The following PINX1 variants were observed in gnomAD, a reference collection of about 807,000 sequenced individuals.
PINX1 encodes PIN2 (TERF1) interacting telomerase inhibitor 1, also known as PIN2/TERF1-interacting telomerase inhibitor 1.
In PINX1, 34 loss-of-function variants were observed where a neutral mutation model predicts 25.4. The ratio of observed to expected loss-of-function variants is 1.34; its 90% CI spans 1.02 to 1.78. The LOEUF (loss-of-function observed/expected upper bound fraction) is 1.78, where lower values mean the gene tolerates loss of function less well. Among genes scored for constraint, PINX1 ranks in the 40% most tolerant of loss-of-function variants. The pLI is 0.00. For missense variants in PINX1, 592 were observed against 404.9 expected, an observed-to-expected ratio of 1.46 and a Z score of -3.97; for synonymous variants, 197 against 147.7, an observed-to-expected ratio of 1.33 and a Z score of -2.42.
intron 6 of PINX1, among the ~76,000 whole-genome samples, chr8:10,790,750 G>C (rs1467520409): frequency 6.6e-6 from 1 of 152,096 alleles, no homozygotes; most frequent in Non-Finnish European, 1.5e-5. Flanking sequence ...TTCATTCTTA[G>C]TGCTTTATCT....
intron 6 of PINX1, among the ~76,000 whole-genome samples, chr8:10,807,756 A>T (rs1434894048): frequency 6.6e-6 from 1 of 152,152 alleles, no homozygotes; most frequent in East Asian, 1.9e-4. Flanking sequence ...ATTAATAGAG[A>T]TTTTCAGACC....
chr8:10,777,299 C>G (rs1302601578), intron 6 of PINX1, among the ~76,000 whole-genome samples: 1 of 152,178 alleles, frequency 6.6e-6, no homozygotes, highest in African/African-American at 2.4e-5. Flanking sequence ...AAGTCAGGAC[C>G]CACTTTCTCC....
intron 6 of PINX1, among the ~76,000 whole-genome samples, chr8:10,804,170 G>C (rs1476560968): frequency 6.6e-6 from 1 of 152,182 alleles, no homozygotes; most frequent in Non-Finnish European, 1.5e-5. Flanking sequence ...AGCAAATTCA[G>C]ACCAACGCAG....
intron 5 of PINX1, chr8:10,825,231 G>A: frequency 2.3e-6 from 1 of 437,420 alleles, no homozygotes; most frequent in South Asian, 1.7e-5. Flanking sequence ...CAGGCTGGCT[G>A]TACAAGTTAA....
chr8:10,778,866 G>A (rs908628198), intron 6 of PINX1, among the ~76,000 whole-genome samples: 12 of 152,176 alleles, frequency 7.9e-5, no homozygotes, highest in South Asian at 2.1e-4. Flanking sequence ...CCAAGAGGGT[G>A]GGCTTTTACC....
intron 6 of PINX1, chr8:10,771,065 T>C (rs1176062751): frequency 1.3e-5 from 2 of 152,256 alleles, no homozygotes; most frequent in East Asian, 3.8e-4. Context: ...CAGCCTGTGC[T>C]GGGTTAGTCT....
intron 6 of PINX1, among the ~76,000 whole-genome samples, chr8:10,812,096 C>G (rs1797541945): frequency 6.6e-6 from 1 of 152,206 alleles, no homozygotes; most frequent in Non-Finnish European, 1.5e-5. Context: ...CACCTTGACA[C>G]TCAACAGTTG....
chr8:10,768,336 T>G (rs905090070), intron 6 of PINX1, among the ~76,000 whole-genome samples: 1 of 152,248 alleles, frequency 6.6e-6, no homozygotes, highest in Non-Finnish European at 1.5e-5. Flanking sequence ...TTTATTACCT[T>G]GTGAATTCCT....
chr8:10,804,126 G>C (rs961529462), intron 6 of PINX1, among the ~76,000 whole-genome samples: 1 of 152,194 alleles, frequency 6.6e-6, no homozygotes, highest in Non-Finnish European at 1.5e-5. Flanking sequence ...ACACACTGTT[G>C]AAAGGACAGC....
chr8:10,779,863 C>T (rs991408880), intron 6 of PINX1, among the ~76,000 whole-genome samples: 1 of 152,182 alleles, frequency 6.6e-6, no homozygotes, highest in Non-Finnish European at 1.5e-5. Context: ...AACGCCTAGA[C>T]TGTGTCGCTA....
chr8:10,796,919 T>C (rs1279544303), intron 6 of PINX1, among the ~76,000 whole-genome samples: 1 of 151,922 alleles, frequency 6.6e-6, no homozygotes, highest in Non-Finnish European at 1.5e-5. Context: ...ACTCCCCTCC[T>C]CCCAACCCAA....
intron 6 of PINX1, among the ~76,000 whole-genome samples, chr8:10,806,659 A>G (rs935178562): frequency 3.3e-5 from 5 of 152,180 alleles, no homozygotes; most frequent in African/African-American, 1.2e-4. Context: ...CAGAGTGGGG[A>G]ACAGCAGCCA....
intron 6 of PINX1, among the ~76,000 whole-genome samples, chr8:10,773,454 G>C (rs1330284256): frequency 1.3e-5 from 2 of 152,212 alleles, no homozygotes; most frequent in Admixed American, 6.5e-5. Context: ...AACCCAGTAA[G>C]TATGCAGAGA....
chr8:10,791,451 C>T (rs1011425606), intron 6 of PINX1, among the ~76,000 whole-genome samples: 3 of 152,172 alleles, frequency 2.0e-5, no homozygotes, highest in Non-Finnish European at 4.4e-5. Flanking sequence ...CTGCTCCAGG[C>T]TCCTGGCCGT....
chr8:10,787,274 T>A (rs1168572036), intron 6 of PINX1, among the ~76,000 whole-genome samples: 1 of 152,108 alleles, frequency 6.6e-6, no homozygotes, highest in Non-Finnish European at 1.5e-5. Flanking sequence ...ATCACCAGGC[T>A]GGAGAGCAGT....
chr8:10,769,215 T>C (rs929922991), intron 6 of PINX1, among the ~76,000 whole-genome samples: 6 of 152,174 alleles, frequency 3.9e-5, no homozygotes, highest in Non-Finnish European at 7.4e-5. Context: ...CAAATTCCAA[T>C]GCTTGCTGTT....
At chr8:10,789,515 AG>A (rs541720381) in intron 6 of PINX1, among the ~76,000 whole-genome samples, 4 of 152,172 alleles carry the variant, frequency 2.6e-5, no homozygotes, top group Non-Finnish European at 5.9e-5. Flanking sequence ...ACTGTATGCT[AG>A]GTCTCCAGAA....
At position 10,765,438 on chromosome 8, in the gene PINX1, G is replaced by C; in HGVS notation, c.950C>G (p.Thr317Arg). 2 of 1,606,986 alleles carry C rather than the reference G, an allele frequency of 1.2e-6. No homozygotes were observed. The highest frequency in any genetic ancestry group is 1.7e-6 in the Non-Finnish European group (2 of 1,178,036). The change falls in exon 7 of 7, where the codon ACG becomes AGG. Residue 317 changes from threonine (T) to arginine (R), a missense_variant. Thr to Arg is a moderately conservative substitution (Grantham distance 71, BLOSUM62 -1). Transcript: ENST00000314787. ...TTTCTTCTTCTTCTTTTTCACTAGC[G>C]TTTCTTCTAGTGTAGCGTCCTCTGC... is the stretch of plus-strand genomic sequence containing the variant. ...EIAEDATLEE[T>R]LVKKKKKKDS...
intron 6 of PINX1, among the ~76,000 whole-genome samples, chr8:10,789,610 T>C (rs1043806451): frequency 1.2e-4 from 18 of 152,226 alleles, no homozygotes; most frequent in African/African-American, 4.1e-4. Flanking sequence ...ATTTTAGGAA[T>C]GTCCTCAAAT....
Sources: allele counts gnomAD v4.1 joint callset (sites outside exome capture counted in the v4.1 genomes callset), GRCh38; gene constraint gnomAD v4.1.1; transcripts MANE v1.5; gene names NCBI Gene and HGNC (gene_info 2026-07-23, HGNC 2026-07-21).